PLEKHM3: variants seen among roughly 807,000 people sequenced by gnomAD.
PLEKHM3 encodes the protein pleckstrin homology domain containing M3, also known as pleckstrin homology domain-containing family M member 3.
PLEKHM3 carries 45 observed loss-of-function variants against 81.8 expected under a neutral mutation model. The observed-to-expected ratio is 0.55, with a 90% CI of 0.43 to 0.71. PLEKHM3 has a LOEUF of 0.71. Among genes scored for constraint, PLEKHM3 ranks in the 30% least tolerant of loss-of-function variants. The pLI is 0.00. For synonymous variants in PLEKHM3, 352 were observed against 356.4 expected (o/e 0.99, Z 0.14); for missense variants, 788 against 924.3 (o/e 0.85, Z 1.91).
chr2:207,853,981 G>A (rs972224234), intron 7 of PLEKHM3, among the ~76,000 whole-genome samples: 3 of 151,954 alleles, frequency 2.0e-5, no homozygotes, highest in African/African-American at 7.2e-5. Flanking sequence ...ATGTTGGCCA[G>A]GTTGGTCTCA....
chr2:207,933,038 T>G lies in PLEKHM3; in HGVS notation c.1693-1919A>C, dbSNP rs977268390. ...AAAAATAAACTTCTAATTTTTTTCC[T>G]TATAAGCAATTATTTTTGAGGTACC... On this transcript the variant is annotated intron_variant, in intron 4 of 7. Transcript: ENST00000427836. Among the ~76,000 whole-genome samples the G allele has an allele frequency of 3.3e-5, 5 of 152,346 alleles. No individual in the cohort carries two copies. In the South Asian group the frequency reaches 8.3e-4, roughly 25 times the overall value.
chr2:207,963,825 T>G (rs1690819245), intron 3 of PLEKHM3, among the ~76,000 whole-genome samples: 1 of 152,174 alleles, frequency 6.6e-6, no homozygotes, highest in Non-Finnish European at 1.5e-5. Flanking sequence ...GATACCCCAA[T>G]GGCTAACATA....
chr2:207,838,732 C>A (rs1283711823), intron 7 of PLEKHM3, among the ~76,000 whole-genome samples: 2 of 152,058 alleles, frequency 1.3e-5, no homozygotes, highest in Non-Finnish European at 2.9e-5. Flanking sequence ...TCTCGAGAAA[C>A]AAATACCCAC....
chr2:208,009,060 A>G (rs1692601259), intron 1 of PLEKHM3, among the ~76,000 whole-genome samples: 2 of 152,162 alleles, frequency 1.3e-5, no homozygotes, highest in African/African-American at 2.4e-5. Flanking sequence ...CTGAGTGCCT[A>G]CTATGGGGGG....
intron 7 of PLEKHM3, among the ~76,000 whole-genome samples, chr2:207,837,863 C>T (rs1422913542): frequency 3.5e-5 from 5 of 142,950 alleles, no homozygotes; most frequent in Non-Finnish European, 7.5e-5. Flanking sequence ...CTCCATATCC[C>T]GGGTTCAAGC....
At chr2:207,930,810 G>T (rs919902625) in intron 5 of PLEKHM3, 116 bp downstream of exon 5, 1 of 1,187,044 alleles carries the variant, frequency 8.4e-7, no homozygotes, top group Non-Finnish European at 1.2e-6. Context: ...GGCGGAGGGC[G>T]AGCCACAAAA....
At chr2:207,909,680 C>T (rs1240406167) in intron 5 of PLEKHM3, among the ~76,000 whole-genome samples, 1 of 152,168 alleles carries the variant, frequency 6.6e-6, no homozygotes, top group Non-Finnish European at 1.5e-5. Flanking sequence ...ATTAGAATCA[C>T]TTGGAGAGCT....
chr2:207,884,483 T>G (rs1559220918), intron 6 of PLEKHM3, among the ~76,000 whole-genome samples: 2 of 152,210 alleles, frequency 1.3e-5, no homozygotes, highest in African/African-American at 2.4e-5. Context: ...AAATTAACTT[T>G]TAAATATATT....
chr2:208,005,978 G>A (rs558038399), intron 1 of PLEKHM3, among the ~76,000 whole-genome samples: 1 of 152,050 alleles, frequency 6.6e-6, no homozygotes, highest in African/African-American at 2.4e-5. Context: ...AAAAGCATAA[G>A]AGCCCTTCCT....
intron 7 of PLEKHM3, among the ~76,000 whole-genome samples, chr2:207,834,725 T>A (rs914232988): frequency 1.3e-5 from 2 of 151,574 alleles, no homozygotes; most frequent in Non-Finnish European, 2.9e-5. Context: ...GTGCCCGGCC[T>A]GACTTTTCAA....
At chr2:207,943,940 T>C (rs996675140) in intron 4 of PLEKHM3, among the ~76,000 whole-genome samples, 1 of 149,550 alleles carries the variant, frequency 6.7e-6, no homozygotes, top group Non-Finnish European at 1.5e-5. Context: ...TGAAGACTAC[T>C]AGGTTGAAAA....
intron 2 of PLEKHM3, among the ~76,000 whole-genome samples, chr2:207,998,735 G>A (rs1431681823): frequency 3.3e-5 from 5 of 152,112 alleles, no homozygotes; most frequent in African/African-American, 1.2e-4. Flanking sequence ...CCTAATGAAG[G>A]CTGAATTCCT....
chr2:207,908,423 A>G (rs1050378721), intron 6 of PLEKHM3, 91 bp downstream of exon 6: 7 of 1,204,856 alleles, frequency 5.8e-6, no homozygotes, highest in Middle Eastern at 1.9e-4. Context: ...AACTACCCCA[A>G]TGATGGCAGA....
chr2:208,002,972 T>C (rs544911245), intron 1 of PLEKHM3, among the ~76,000 whole-genome samples: 98 of 151,948 alleles, frequency 6.4e-4, no homozygotes, highest in African/African-American at 2.2e-3. Context: ...TACTTATAAG[T>C]AGGCAAAACT....
chr2:207,973,899 G>A (rs1162303043), intron 3 of PLEKHM3, among the ~76,000 whole-genome samples: 1 of 151,582 alleles, frequency 6.6e-6, no homozygotes, highest in Non-Finnish European at 1.5e-5. Context: ...TTTTTTTTTG[G>A]AATGTGCCAC....
intron 2 of PLEKHM3, among the ~76,000 whole-genome samples, chr2:207,987,413 C>T (rs1691764037): frequency 6.6e-6 from 1 of 152,200 alleles, no homozygotes; most frequent in South Asian, 2.1e-4. Flanking sequence ...TCAGCTCCAC[C>T]CACCCTTGGT....
intron 3 of PLEKHM3, among the ~76,000 whole-genome samples, chr2:207,959,282 G>T (rs1189188496): frequency 1.3e-5 from 2 of 152,020 alleles, no homozygotes; most frequent in Non-Finnish European, 2.9e-5. Context: ...ATTTCCCCTG[G>T]TATTTAGCAT....
Position 208,020,983 on chromosome 2 carries a change from T to C in PLEKHM3, c.-319+4406A>G, listed in dbSNP as rs558469760. On this transcript the variant is annotated intron_variant, in intron 1 of 7. Transcript: ENST00000427836. The stretch of plus-strand genomic sequence containing the variant: ...CAGTCTAACCTTCTCCAAGTTCCCA[T>C]TAAAGTCAGGCCTTTTGAAACTAGT... 5.3e-5 allele frequency among the ~76,000 whole-genome samples: 8 copies of C among 152,368 alleles called. No homozygotes were observed. In the South Asian group the frequency reaches 8.3e-4, roughly 16 times the overall value.
chr2:207,858,896 T>TCAG, intron 7 of PLEKHM3, among the ~76,000 whole-genome samples: 1 of 152,114 alleles, frequency 6.6e-6, no homozygotes, highest in Non-Finnish European at 1.5e-5. Flanking sequence ...TACCACAATC[T>TCAG]AATTCCAGAA....
Sources: gnomAD v4.1 joint callset for allele counts (sites outside exome capture counted in the v4.1 genomes callset) on GRCh38, gnomAD v4.1.1 for gene constraint, MANE v1.5 for transcripts, NCBI Gene and HGNC (gene_info 2026-07-23, HGNC 2026-07-21) for gene names.